The following ASTN1 variants were observed in gnomAD, a reference collection of about 807,000 sequenced individuals.
ASTN1 encodes the protein astrotactin-1.
ASTN1 carries 41 observed loss-of-function variants against 140.7 expected under a neutral mutation model. The observed-to-expected ratio is 0.29, with a 90% CI of 0.23 to 0.38. The LOEUF is 0.38. Among genes scored for constraint, ASTN1 ranks in the 10% least tolerant of loss-of-function variants. The pLI, the probability that ASTN1 is intolerant of heterozygous loss-of-function variation, is 1.00. For missense variants in ASTN1, 1,479 were observed against 1,678.8 expected (o/e 0.88, Z 2.08); for synonymous variants, 640 against 652.2 (o/e 0.98, Z 0.29).
At chr1:177,041,204 G>A (rs1676953371) in intron 2 of ASTN1, among the ~76,000 whole-genome samples, 1 of 152,186 alleles carries the variant, frequency 6.6e-6, no homozygotes, top group African/African-American at 2.4e-5. Context: ...AGACCAGTAA[G>A]GAATCAGGCT....
At chr1:176,979,686 GAAAACAAAAC>G (rs58812922) in intron 8 of ASTN1, among the ~76,000 whole-genome samples, 5 of 151,678 alleles carry the variant, frequency 3.3e-5, no homozygotes, top group Admixed American at 3.3e-4. Flanking sequence ...AAGCCCTCAG[GAAAACAAAAC>G]AAAACAAAAC....
chr1:177,140,301 C>T (rs776775201), intron 1 of ASTN1, among the ~76,000 whole-genome samples: 3 of 152,158 alleles, frequency 2.0e-5, no homozygotes, highest in Non-Finnish European at 4.4e-5. Context: ...ATGTACAGGA[C>T]CTCATAGTCC....
At chr1:176,872,604 A>T (rs1191991691) in intron 21 of ASTN1, among the ~76,000 whole-genome samples, 1 of 152,132 alleles carries the variant, frequency 6.6e-6, no homozygotes, top group African/African-American at 2.4e-5. Context: ...CCTTGCTCAC[A>T]GTCCTCCAGG....
chr1:177,157,142 T>G (rs1683273438), intron 1 of ASTN1, among the ~76,000 whole-genome samples: 1 of 152,324 alleles, frequency 6.6e-6, no homozygotes, highest in African/African-American at 2.4e-5. Context: ...TGTAGACTTT[T>G]GTTAAAAATC....
intron 8 of ASTN1, among the ~76,000 whole-genome samples, chr1:176,995,128 G>A (rs567076126): frequency 6.6e-6 from 1 of 152,272 alleles, no homozygotes; most frequent in Non-Finnish European, 1.5e-5. Context: ...AACCTTATAT[G>A]CAACCATTCG....
At chr1:177,074,325 A>G (rs1027062321) in intron 1 of ASTN1, among the ~76,000 whole-genome samples, 1 of 152,220 alleles carries the variant, frequency 6.6e-6, no homozygotes, top group Admixed American at 6.5e-5. Context: ...ATTGTTAATC[A>G]TATTGCTTTC....
chr1:176,868,088 T>C (rs1000840557), intron 22 of ASTN1, among the ~76,000 whole-genome samples: 1 of 152,210 alleles, frequency 6.6e-6, no homozygotes, highest in African/African-American at 2.4e-5. Flanking sequence ...TTTGGGGACA[T>C]ATAGGTACCA....
intron 1 of ASTN1, among the ~76,000 whole-genome samples, chr1:177,143,270 T>C (rs1158033549): frequency 6.6e-6 from 1 of 152,234 alleles, no homozygotes; most frequent in Non-Finnish European, 1.5e-5. Flanking sequence ...TACGAACATT[T>C]CCAAGTTGTT....
chr1:177,157,362 C>T (rs1390907580), intron 1 of ASTN1, among the ~76,000 whole-genome samples: 1 of 152,072 alleles, frequency 6.6e-6, no homozygotes, highest in Admixed American at 6.6e-5. Context: ...GTTACCCAGG[C>T]CAGAATGCAG....
intron 1 of ASTN1, among the ~76,000 whole-genome samples, chr1:177,159,683 C>G (rs554547293): frequency 6.6e-6 from 1 of 152,352 alleles, no homozygotes; most frequent in Admixed American, 6.5e-5. Context: ...GTAGCTAAAA[C>G]CACATTACCT....
intron 1 of ASTN1, among the ~76,000 whole-genome samples, chr1:177,087,637 T>C (rs1342018359): frequency 1.3e-5 from 2 of 152,210 alleles, no homozygotes; most frequent in Non-Finnish European, 2.9e-5. Context: ...AATGAATCAA[T>C]GTCCCCGTAG....
chr1:177,073,673 A>G (rs1024493957), intron 1 of ASTN1, among the ~76,000 whole-genome samples: 4 of 150,442 alleles, frequency 2.7e-5, no homozygotes, highest in African/African-American at 9.8e-5. Flanking sequence ...CGCTGGGTTC[A>G]TTAAATACAT....
chr1:177,073,651 T>C (rs1678752558), intron 1 of ASTN1, among the ~76,000 whole-genome samples: 1 of 149,974 alleles, frequency 6.7e-6, no homozygotes, highest in South Asian at 2.2e-4. Context: ...CACTTACTTT[T>C]CTGTGCATGT....
At chr1:176,905,367 T>C (rs1557949186) in intron 16 of ASTN1, among the ~76,000 whole-genome samples, 1 of 152,144 alleles carries the variant, frequency 6.6e-6, no homozygotes, top group African/African-American at 2.4e-5. Flanking sequence ...CTCATAAATA[T>C]CTTTAACTAC....
At chr1:176,901,719 C>G (rs112200750) in intron 16 of ASTN1, among the ~76,000 whole-genome samples, 3 of 152,158 alleles carry the variant, frequency 2.0e-5, no homozygotes, top group African/African-American at 7.2e-5. Context: ...GGAGCCCTTC[C>G]CAGTCTCCAG....
intron 1 of ASTN1, among the ~76,000 whole-genome samples, chr1:177,091,770 A>T (rs1051086082): frequency 6.6e-6 from 1 of 152,142 alleles, no homozygotes; most frequent in Non-Finnish European, 1.5e-5. Flanking sequence ...CTATTATGAC[A>T]TCTCTTATAA....
chr1:176,991,628 G>A (rs1674181181), intron 8 of ASTN1, among the ~76,000 whole-genome samples: 1 of 152,286 alleles, frequency 6.6e-6, no homozygotes, highest in Middle Eastern at 3.4e-3. Flanking sequence ...TAGATTGTGA[G>A]CCGGGCTGGA....
At chr1:176,911,882 C>T (rs749470081) in intron 16 of ASTN1, among the ~76,000 whole-genome samples, 8 of 152,290 alleles carry the variant, frequency 5.3e-5, no homozygotes, top group Non-Finnish European at 1.0e-4. Context: ...CGACTGGCAG[C>T]GCAGTAGTTT....
chr1:176,885,965 G>A (rs1419037878), intron 18 of ASTN1, among the ~76,000 whole-genome samples: 1 of 151,816 alleles, frequency 6.6e-6, no homozygotes, highest in Non-Finnish European at 1.5e-5. Flanking sequence ...TGACATTGAA[G>A]ATGGAATAGA....
Sources: gnomAD v4.1 joint callset for allele counts (sites outside exome capture counted in the v4.1 genomes callset) on GRCh38, gnomAD v4.1.1 for gene constraint, MANE v1.5 for transcripts, NCBI Gene and HGNC (gene_info 2026-07-23, HGNC 2026-07-21) for gene names.